PNPT1: variants seen among roughly 807,000 people sequenced by gnomAD.
PNPT1 encodes the protein polyribonucleotide nucleotidyltransferase 1, also known as polyribonucleotide nucleotidyltransferase 1, mitochondrial.
PNPT1 carries 53 observed loss-of-function variants against 119.5 expected under a neutral mutation model. The ratio of observed to expected loss-of-function variants is 0.44; its 90% CI spans 0.36 to 0.56. PNPT1 has a LOEUF of 0.56. Among genes scored for constraint, PNPT1 ranks in the 20% least tolerant of loss-of-function variants. The pLI, the probability that PNPT1 is intolerant of heterozygous loss-of-function variation, is 0.00. For synonymous variants in PNPT1, 357 were observed against 322.1 expected (o/e 1.11, Z -1.16); for missense variants, 948 against 938.5 (o/e 1.01, Z -0.13).
chr2:55,693,626 C>A (rs746887609), intron 1 of PNPT1, 37 bp downstream of exon 1: 2 of 1,611,368 alleles, frequency 1.2e-6, no homozygotes, highest in African/African-American at 1.3e-5. Flanking sequence ...GGACAAGACA[C>A]CTTATGACAA....
At chr2:55,684,539 G>T (rs917523488) in intron 4 of PNPT1, among the ~76,000 whole-genome samples, 1 of 152,214 alleles carries the variant, frequency 6.6e-6, no homozygotes, top group Non-Finnish European at 1.5e-5. Context: ...TTAAAGATTT[G>T]AAAGATTATG....
chr2:55,689,178 C>T (rs1282941027), intron 1 of PNPT1, among the ~76,000 whole-genome samples: 1 of 152,056 alleles, frequency 6.6e-6, no homozygotes, highest in Non-Finnish European at 1.5e-5. Context: ...TATTTGCAAA[C>T]CATGTATCTG....
At chr2:55,691,863 T>A (rs200815647) in intron 1 of PNPT1, among the ~76,000 whole-genome samples, 1 of 34,306 alleles carries the variant, frequency 2.9e-5, no homozygotes, top group Non-Finnish European at 6.7e-5. Flanking sequence ...TATATATATA[T>A]ATATATATAT....
intron 8 of PNPT1, among the ~76,000 whole-genome samples, chr2:55,679,275 G>C (rs532528958): frequency 1.3e-5 from 2 of 152,200 alleles, no homozygotes; most frequent in East Asian, 1.9e-4. Flanking sequence ...GAATGAAATA[G>C]CTAAATTATA....
rs1697697113 is a variant in PNPT1 at position 55,693,733 on chromosome 2, T to G, written c.91A>C (p.Thr31Pro). 2 of 1,614,094 alleles carry G rather than the reference T, an allele frequency of 1.2e-6. No individual in the cohort carries two copies. The highest frequency in any genetic ancestry group is 1.7e-6 in the Non-Finnish European group (2 of 1,180,024). ...FLLPRRDRAL[T>P]QLQVRALWSS... is the part of the protein sequence containing the mutation. Reference sequence around the variant, plus strand: ...CATAGTGCTCGCACTTGCAACTGGGTGAGTGCCCGATCCCGCCGTGGCAGA... The same window carrying G: ...CATAGTGCTCGCACTTGCAACTGGGGGAGTGCCCGATCCCGCCGTGGCAGA... Residue 31 changes from threonine (T) to proline (P), a missense_variant, in exon 1 of 28, where the codon ACC becomes CCC. Thr to Pro is a conservative substitution (Grantham distance 38). Transcript: ENST00000447944.
chr2:55,661,895 A>T, intron 14 of PNPT1, 61 bp downstream of exon 14: 1 of 1,378,784 alleles, frequency 7.3e-7, no homozygotes, highest in Non-Finnish European at 9.7e-7. Flanking sequence ...ATACCACATA[A>T]GCTTTAATTA....
At chr2:55,677,452 G>A (rs910698522) in intron 8 of PNPT1, among the ~76,000 whole-genome samples, 3 of 151,858 alleles carry the variant, frequency 2.0e-5, no homozygotes, top group African/African-American at 7.2e-5. Context: ...AAATTAGCTG[G>A]GCATGGCGGT....
intron 8 of PNPT1, among the ~76,000 whole-genome samples, chr2:55,678,985 A>C (rs1418186588): frequency 6.6e-6 from 1 of 152,212 alleles, no homozygotes; most frequent in East Asian, 1.9e-4. Context: ...ATCAAACATC[A>C]CATAGTAGAA....
At chr2:55,660,745 G>A (rs1307278576) in intron 14 of PNPT1, among the ~76,000 whole-genome samples, 1 of 152,166 alleles carries the variant, frequency 6.6e-6, no homozygotes, top group Non-Finnish European at 1.5e-5. Flanking sequence ...GAAACCAAAG[G>A]CCAGTGTGGC....
intron 3 of PNPT1, among the ~76,000 whole-genome samples, chr2:55,685,383 T>C (rs1697374199): frequency 1.3e-5 from 2 of 152,132 alleles, no homozygotes; most frequent in Non-Finnish European, 2.9e-5. Flanking sequence ...AAAAAATTAG[T>C]TGGGCACAAT....
chr2:55,658,194 C>T (rs562449766), intron 15 of PNPT1, among the ~76,000 whole-genome samples: 2 of 152,194 alleles, frequency 1.3e-5, no homozygotes, highest in African/African-American at 2.4e-5. Context: ...GATGGTGCCA[C>T]TGCACTCCAG....
chr2:55,680,940 G>T, intron 5 of PNPT1, 22 bp from the exon 6 acceptor site: 2 of 1,598,130 alleles, frequency 1.3e-6, no homozygotes, highest in South Asian at 2.2e-5. Flanking sequence ...GAAAAAATTT[G>T]ATTTGGAAGG....
intron 25 of PNPT1, among the ~76,000 whole-genome samples, chr2:55,642,403 G>A (rs978897849): frequency 3.3e-5 from 5 of 151,042 alleles, no homozygotes; most frequent in African/African-American, 1.2e-4. Flanking sequence ...TCAGGAGATC[G>A]AGACCATCCT....
At position 55,643,190 on chromosome 2, in the gene PNPT1, T is replaced by A; in HGVS notation, c.2037A>T (p.Gly679=). Reference sequence around the variant, plus strand: ...CAGTTATTGTGGCGGTATATACTGCTCCAAATTCTAATTGCTGCTCCTGCT... The same window carrying A: ...CAGTTATTGTGGCGGTATATACTGCACCAAATTCTAATTGCTGCTCCTGCT... ...KDDQEQQLEF[G]AVYTATITEI... The change falls in exon 25 of 28, where the codon GGA becomes GGT. Residue 679 remains glycine, a synonymous_variant. Coordinates refer to ENST00000447944, the MANE Select transcript of PNPT1 (RefSeq NM_033109.5). 1 of 1,614,132 alleles carries A rather than the reference T, an allele frequency of 6.2e-7. No individual in the cohort carries two copies. The highest frequency in any genetic ancestry group is 8.5e-7 in the Non-Finnish European group (1 of 1,180,012).
chr2:55,649,043 C>T (rs1167228130), intron 18 of PNPT1, among the ~76,000 whole-genome samples: 1 of 152,138 alleles, frequency 6.6e-6, no homozygotes, highest in Non-Finnish European at 1.5e-5. Flanking sequence ...ACTTAAAAAT[C>T]TATCCCTCCT....
chr2:55,637,623 TTAG>T, intron 26 of PNPT1, 24 bp from the exon 27 acceptor site: 1 of 1,558,642 alleles, frequency 6.4e-7, no homozygotes, highest in Non-Finnish European at 8.8e-7. Context: ...TGTTAATCTA[TTAG>T]TTGTTGTGCA....
intron 22 of PNPT1, 171 bp from the exon 23 acceptor site, chr2:55,644,891 T>A (rs1424701906): frequency 5.2e-5 from 24 of 457,606 alleles, no homozygotes; most frequent in Non-Finnish European, 8.0e-5. Context: ...TTAAAGAATA[T>A]TCCCTAAAAT....
At chr2:55,690,958 A>ATGGTTTC (rs1697578772) in intron 1 of PNPT1, among the ~76,000 whole-genome samples, 1 of 152,230 alleles carries the variant, frequency 6.6e-6, no homozygotes, top group Admixed American at 6.5e-5. Context: ...TCATGAGGCA[A>ATGGTTTC]ATGTAAATCT....
rs1220058420 is a variant in PNPT1, at chr2:55,645,464, C to T, written c.1739-32G>A. On this transcript the variant is annotated intron_variant, in intron 21 of 27. Coordinates refer to ENST00000447944, the MANE Select transcript of PNPT1 (RefSeq NM_033109.5). ...GAGAAAAACACAAAAATTATAACTACATAAAACAAATATGATCTGAAATAC... is the reference window on the plus strand; with the variant it reads ...GAGAAAAACACAAAAATTATAACTATATAAAACAAATATGATCTGAAATAC... 6 of 1,386,176 alleles carry T rather than the reference C, an allele frequency of 4.3e-6. No homozygotes were observed. The South Asian group carries it at 5.8e-5, about 13-fold the overall frequency. 85.9% of individuals were successfully genotyped at this position (1,386,176 alleles called of 1,614,324 possible).
Sources: gnomAD v4.1 joint callset for allele counts (sites outside exome capture counted in the v4.1 genomes callset) on GRCh38, gnomAD v4.1.1 for gene constraint, MANE v1.5 for transcripts, NCBI Gene and HGNC (gene_info 2026-07-23, HGNC 2026-07-21) for gene names.